SLC61A1: variants seen among roughly 807,000 people sequenced by gnomAD.
SLC61A1 encodes solute carrier family 61 member 1.
the SLC61A1 span, chr12:53,251,907 G>A: frequency 1.3e-6 from 2 of 1,537,300 alleles, no homozygotes; most frequent in Admixed American, 2.0e-5. Context: ...GGCCCCTCAG[G>A]CATCCAAGAG....
the SLC61A1 span, chr12:53,253,710 G>A: frequency 6.2e-7 from 1 of 1,614,010 alleles, no homozygotes; most frequent in South Asian, 1.1e-5. Context: ...ATGGCAGCCA[G>A]CCTGCTTGGC....
the SLC61A1 span, chr12:53,251,706 T>A: frequency 5.9e-6 from 9 of 1,518,702 alleles, no homozygotes; most frequent in South Asian, 1.1e-4. Context: ...CTCCCTCAGG[T>A]GTCTGGACCA....
chr12:53,252,382 T>C, the SLC61A1 span: 1 of 1,313,040 alleles, frequency 7.6e-7, no homozygotes, highest in Non-Finnish European at 9.7e-7. Context: ...TGCACACGCA[T>C]GACCCTGAAG....
At chr12:53,253,065 T>C in the SLC61A1 span, 1 of 1,614,132 alleles carries the variant, frequency 6.2e-7, no homozygotes, top group Non-Finnish European at 8.5e-7. Flanking sequence ...GAAGGTCAAA[T>C]TGCCATCCTC....
chr12:53,253,441 G>A, the SLC61A1 span: 26 of 1,613,984 alleles, frequency 1.6e-5, no homozygotes, highest in African/African-American at 4.0e-5. Flanking sequence ...GGCCTGTAGC[G>A]CCCTTTGTGG....
At chr12:53,254,252 A>G in the SLC61A1 span, 1 of 1,550,404 alleles carries the variant, frequency 6.4e-7, no homozygotes. Flanking sequence ...GATTGTACAG[A>G]TCTCTCTGTG....
chr12:53,254,219 ACT>A, the SLC61A1 span: 14 of 1,599,218 alleles, frequency 8.8e-6, no homozygotes, highest in Non-Finnish European at 1.0e-5. Flanking sequence ...GCTGGGACAG[ACT>A]CTTGAATTCC....
chr12:53,252,080 C>A, the SLC61A1 span: 1 of 1,461,794 alleles, frequency 6.8e-7, no homozygotes, highest in Non-Finnish European at 9.0e-7. Flanking sequence ...GGGGTTTTGG[C>A]GCCGCGCCCC....
At chr12:53,253,992 A>G in the SLC61A1 span, 4 of 1,614,072 alleles carry the variant, frequency 2.5e-6, no homozygotes, top group Non-Finnish European at 3.4e-6. Context: ...GTACCTCTGC[A>G]CTCACTGGCT....
At chr12:53,253,733 C>T in the SLC61A1 span, 18 of 1,613,934 alleles carry the variant, frequency 1.1e-5, no homozygotes, top group Admixed American at 3.3e-5. Flanking sequence ...TTCCCTGTAC[C>T]GTATCGCCAC....
chr12:53,253,958 G>C, the SLC61A1 span: 2 of 1,614,198 alleles, frequency 1.2e-6, no homozygotes, highest in Non-Finnish European at 1.7e-6. Context: ...GACAGAGCAG[G>C]CTGGTGTACT....
chr12:53,254,056 T>C, the SLC61A1 span: 1 of 1,614,222 alleles, frequency 6.2e-7, no homozygotes, highest in Non-Finnish European at 8.5e-7. Context: ...GCACTCGGAA[T>C]ATGTTCAGCA....
At chr12:53,252,822 T>TCC in the SLC61A1 span, 1 of 1,613,316 alleles carries the variant, frequency 6.2e-7, no homozygotes, top group Admixed American at 1.7e-5. Context: ...TCCCAGGTCG[T>TCC]CCGGGGGCCC....
chr12:53,252,073 GT>G, the SLC61A1 span: 4 of 1,465,326 alleles, frequency 2.7e-6, no homozygotes, highest in Non-Finnish European at 2.7e-6. Flanking sequence ...GCGGGGCGGG[GT>G]TTTGGCGCCG....
chr12:53,252,047 A>AG, the SLC61A1 span: 1 of 194,578 alleles, frequency 5.1e-6, no homozygotes, highest in South Asian at 7.9e-5. Flanking sequence ...TAAGGGAAGG[A>AG]GGGCGGGCGG....
chr12:53,254,147 G>A, the SLC61A1 span: 2 of 1,614,020 alleles, frequency 1.2e-6, no homozygotes, highest in Non-Finnish European at 8.5e-7. Context: ...TGAGCTGCGG[G>A]TACCTTCACC....
At chr12:53,251,738 G>C in the SLC61A1 span, 1 of 1,535,962 alleles carries the variant, frequency 6.5e-7, no homozygotes, top group Non-Finnish European at 8.7e-7. Context: ...CTTGCATGGA[G>C]GTCACTGCAG....
chr12:53,253,524 G>A, the SLC61A1 span: 27 of 1,614,012 alleles, frequency 1.7e-5, no homozygotes, highest in African/African-American at 2.7e-5. Context: ...GACCGGCAGC[G>A]TGCCTTCTCA....
chr12:53,252,105 G>T, the SLC61A1 span: 7 of 1,449,932 alleles, frequency 4.8e-6, no homozygotes, highest in Non-Finnish European at 6.3e-6. Context: ...ACGTGATGAA[G>T]CCATCATGGC....
Sources: allele counts gnomAD v4.1 joint callset, GRCh38; gene constraint gnomAD v4.1.1; transcripts MANE v1.5; gene names NCBI Gene and HGNC (gene_info 2026-07-23, HGNC 2026-07-21).